The following SGCZ variants were observed in gnomAD, a reference collection of about 807,000 sequenced individuals.
SGCZ encodes zeta-sarcoglycan.
A neutral mutation model predicts 41.3 loss-of-function variants in SGCZ; 40 were observed. The observed-to-expected ratio is 0.97, with a 90% confidence interval of 0.75 to 1.26. SGCZ has a LOEUF of 1.26. Among genes scored for constraint, SGCZ ranks in the 50% most tolerant of loss-of-function variants. SGCZ has a pLI of 0.00. For synonymous variants in SGCZ, 206 were observed against 137.5 expected, an observed-to-expected ratio of 1.50 and a Z score of -3.49; for missense variants, 552 against 369.8, an observed-to-expected ratio of 1.49 and a Z score of -4.04.
chr8:14,791,911 C>T (rs1800967998), intron 1 of SGCZ, among the ~76,000 whole-genome samples: 2 of 152,196 alleles, frequency 1.3e-5, no homozygotes. Context: ...ATTCTAGCCG[C>T]ACTTTCTCAA....
intron 1 of SGCZ, among the ~76,000 whole-genome samples, chr8:14,789,632 A>G (rs1042545608): frequency 3.3e-5 from 5 of 152,144 alleles, no homozygotes; most frequent in Admixed American, 2.6e-4. Context: ...CAAGTGAGCC[A>G]TCTTCCTCTC....
chr8:14,993,184 G>A (rs73519057), intron 1 of SGCZ, among the ~76,000 whole-genome samples: 1 of 152,134 alleles, frequency 6.6e-6, no homozygotes, highest in African/African-American at 2.4e-5. Context: ...TAGTCTGACA[G>A]CCCTTTAACT....
intron 1 of SGCZ, among the ~76,000 whole-genome samples, chr8:15,006,264 A>G (rs947695740): frequency 2.0e-5 from 3 of 152,222 alleles, no homozygotes; most frequent in Non-Finnish European, 2.9e-5. Flanking sequence ...AGCAATGGCC[A>G]TGATTTTCTA....
intron 1 of SGCZ, among the ~76,000 whole-genome samples, chr8:15,157,716 C>A (rs1355895646): frequency 6.6e-6 from 1 of 152,106 alleles, no homozygotes; most frequent in South Asian, 2.1e-4. Flanking sequence ...CTCTTAGGCA[C>A]CCTGAATGAA....
chr8:15,020,034 T>C (rs1439226760), intron 1 of SGCZ, among the ~76,000 whole-genome samples: 1 of 151,870 alleles, frequency 6.6e-6, no homozygotes, highest in Non-Finnish European at 1.5e-5. Context: ...TATGAGCATT[T>C]AGCGCACGAA....
chr8:14,308,254 T>C (rs941323012), intron 3 of SGCZ, among the ~76,000 whole-genome samples: 1 of 152,050 alleles, frequency 6.6e-6, no homozygotes, highest in Non-Finnish European at 1.5e-5. Context: ...AGAGGGAAAC[T>C]ATAATGAAAG....
intron 1 of SGCZ, among the ~76,000 whole-genome samples, chr8:15,038,275 A>T (rs1803940477): frequency 6.6e-6 from 1 of 152,162 alleles, no homozygotes; most frequent in African/African-American, 2.4e-5. Context: ...CCAATGGAGT[A>T]AAATAGAGAG....
At chr8:14,144,608 A>C (rs1440401826) in intron 5 of SGCZ, among the ~76,000 whole-genome samples, 1 of 152,156 alleles carries the variant, frequency 6.6e-6, no homozygotes, top group Non-Finnish European at 1.5e-5. Flanking sequence ...GGGAAAAGTA[A>C]AAGGAAGACC....
At chr8:14,616,290 A>G (rs1261743346) in intron 1 of SGCZ, among the ~76,000 whole-genome samples, 1 of 151,672 alleles carries the variant, frequency 6.6e-6, no homozygotes, top group African/African-American at 2.4e-5. Flanking sequence ...CTCAAAAAAA[A>G]AAAAGAAAAA....
chr8:14,715,209 A>C (rs1330139399), intron 1 of SGCZ, among the ~76,000 whole-genome samples: 3 of 152,172 alleles, frequency 2.0e-5, no homozygotes, highest in African/African-American at 4.8e-5. Flanking sequence ...ATACCTAACA[A>C]TGGAAATCAA....
chr8:14,719,826 T>C (rs1217529957), intron 1 of SGCZ, among the ~76,000 whole-genome samples: 2 of 151,996 alleles, frequency 1.3e-5, no homozygotes, highest in Non-Finnish European at 2.9e-5. Context: ...CTGATGGTAG[T>C]TTCTTTTGCT....
intron 1 of SGCZ, among the ~76,000 whole-genome samples, chr8:14,964,440 A>T (rs1020424124): frequency 2.6e-5 from 4 of 152,144 alleles, no homozygotes; most frequent in African/African-American, 9.7e-5. Flanking sequence ...AGAGCTTCAA[A>T]TTTTTTGGAG....
At chr8:14,209,977 T>G (rs1383490480) in intron 4 of SGCZ, among the ~76,000 whole-genome samples, 1 of 141,968 alleles carries the variant, frequency 7.0e-6, no homozygotes, top group Non-Finnish European at 1.5e-5. Flanking sequence ...ATGAGTGCTG[T>G]GTCTTCAAAC....
At chr8:14,417,753 A>G (rs1799534190) in intron 2 of SGCZ, among the ~76,000 whole-genome samples, 1 of 151,722 alleles carries the variant, frequency 6.6e-6, no homozygotes, top group Non-Finnish European at 1.5e-5. Flanking sequence ...GTAACTATGT[A>G]AGGTGATAGA....
chr8:15,030,716 G>C (rs1228254057), intron 1 of SGCZ, among the ~76,000 whole-genome samples: 4 of 152,104 alleles, frequency 2.6e-5, no homozygotes, highest in Non-Finnish European at 5.9e-5. Context: ...ATATGGTTAG[G>C]GGGATAACTT....
At chr8:14,778,297 C>G (rs929397631) in intron 1 of SGCZ, among the ~76,000 whole-genome samples, 1 of 152,088 alleles carries the variant, frequency 6.6e-6, no homozygotes, top group East Asian at 1.9e-4. Context: ...AACTGTCACC[C>G]CAAATCTATA....
chr8:14,458,560 TAG>T (rs1321646894), intron 2 of SGCZ, among the ~76,000 whole-genome samples: 1 of 152,232 alleles, frequency 6.6e-6, no homozygotes, highest in African/African-American at 2.4e-5. Context: ...GGATTCTAAG[TAG>T]AGTTGTCAGT....
chr8:15,140,146 C>T (rs1808268186), intron 1 of SGCZ, among the ~76,000 whole-genome samples: 1 of 152,036 alleles, frequency 6.6e-6, no homozygotes, highest in Admixed American at 6.5e-5. Context: ...TCTTAGCCTC[C>T]TGAGTAGCTG....
chr8:14,318,729 C>T (rs1024011641), intron 3 of SGCZ, among the ~76,000 whole-genome samples: 6 of 151,956 alleles, frequency 3.9e-5, no homozygotes, highest in African/African-American at 1.4e-4. Flanking sequence ...CACAGTCTGC[C>T]TTTCCCTTTC....
Sources: allele counts gnomAD v4.1 joint callset (sites outside exome capture counted in the v4.1 genomes callset), GRCh38; gene constraint gnomAD v4.1.1; transcripts MANE v1.5; gene names NCBI Gene and HGNC (gene_info 2026-07-23, HGNC 2026-07-21).